Variants in CLOCK observed in about 807,000 individuals in gnomAD.
The protein encoded by CLOCK is circadian locomoter output cycles protein kaput.
In CLOCK, 43 loss-of-function variants were observed where a neutral mutation model predicts 118.4. That is an observed-to-expected ratio of 0.36 (90% confidence interval 0.28 to 0.47). CLOCK has a LOEUF of 0.47. Ranked by LOEUF, CLOCK falls within the 20% of genes least tolerant of loss-of-function variation. The probability of loss-of-function intolerance (pLI) is 1.00; values close to 1 mark genes in which losing one functional copy is unlikely to be tolerated. For missense variants in CLOCK, 846 were observed against 999.9 expected, an observed-to-expected ratio of 0.85 and a Z score of 2.08; for synonymous variants, 326 against 339.2, an observed-to-expected ratio of 0.96 and a Z score of 0.43.
intron 1 of CLOCK, chr4:55,545,740 T>C (rs1028679144): frequency 2.0e-5 from 3 of 152,188 alleles, no homozygotes; most frequent in Admixed American, 1.3e-4. Flanking sequence ...TCTGCGGCGC[T>C]GCGTGTAGGA....
At chr4:55,505,059 T>C (rs1728711861) in intron 2 of CLOCK, among the ~76,000 whole-genome samples, 1 of 151,698 alleles carries the variant, frequency 6.6e-6, no homozygotes, top group Non-Finnish European at 1.5e-5. Context: ...GGCACACACC[T>C]GTAGTCCCAG....
Position 55,443,763 on chromosome 4 carries a change from C to G in CLOCK, c.1826G>C (p.Ser609Thr). The change falls in exon 20 of 23, where the codon AGT becomes ACT. Residue 609 changes from serine to threonine, a missense_variant. Coordinates refer to ENST00000513440, the MANE Select transcript of CLOCK (RefSeq NM_004898.4). ...GQVVPTNQIQ[S>T]GMNTGHIGTT... ...GCCAATGTGTCCAGTATTCATTCCA[C>G]TTTGAATCTGGTTAGTAGGAACAAC... The G allele has an allele frequency of 2.5e-6, 4 of 1,614,088 alleles. No homozygotes were observed. The highest frequency in any genetic ancestry group is 2.5e-6 in the Non-Finnish European group (3 of 1,179,994).
chr4:55,535,210 G>A (rs1378402796), intron 1 of CLOCK, among the ~76,000 whole-genome samples: 1 of 137,200 alleles, frequency 7.3e-6, no homozygotes. Flanking sequence ...TTTGCTTCTT[G>A]ATTATGGTGA....
chr4:55,467,568 T>A (rs1725821009), intron 8 of CLOCK, among the ~76,000 whole-genome samples: 1 of 152,250 alleles, frequency 6.6e-6, no homozygotes, highest in South Asian at 2.1e-4. Flanking sequence ...ATGACTAGAT[T>A]ATATAGTTTC....
intron 11 of CLOCK, among the ~76,000 whole-genome samples, chr4:55,458,193 T>C (rs997977160): frequency 1.3e-5 from 2 of 152,188 alleles, no homozygotes; most frequent in African/African-American, 4.8e-5. Flanking sequence ...CCTGAGTAAC[T>C]GAGACCACAG....
chr4:55,532,067 C>T (rs990298901), intron 1 of CLOCK, among the ~76,000 whole-genome samples: 4 of 152,020 alleles, frequency 2.6e-5, no homozygotes, highest in Non-Finnish European at 4.4e-5. Flanking sequence ...AAATGAAGCA[C>T]AAAAACCACA....
intron 2 of CLOCK, among the ~76,000 whole-genome samples, chr4:55,495,929 C>T (rs1728040530): frequency 6.6e-6 from 1 of 152,140 alleles, no homozygotes; most frequent in South Asian, 2.1e-4. Flanking sequence ...TGGCTCACAC[C>T]TGTAATCCCA....
chr4:55,518,102 T>C (rs961545825), intron 1 of CLOCK, among the ~76,000 whole-genome samples: 11 of 152,144 alleles, frequency 7.2e-5, no homozygotes, highest in African/African-American at 1.7e-4. Context: ...GTTGTGGTCA[T>C]AGAAGTTTGG....
At chr4:55,464,289 C>A (rs1725578141) in intron 8 of CLOCK, among the ~76,000 whole-genome samples, 1 of 152,120 alleles carries the variant, frequency 6.6e-6, no homozygotes. Flanking sequence ...TGTACAAAAG[C>A]CTTGTGTTTA....
intron 3 of CLOCK, among the ~76,000 whole-genome samples, chr4:55,483,820 A>G (rs1727103212): frequency 6.6e-6 from 1 of 152,168 alleles, no homozygotes; most frequent in African/African-American, 2.4e-5. Flanking sequence ...GTCTTACTAT[A>G]AAGAGTCTCA....
In CLOCK at chr4:55,492,370, C is replaced by T. The variant is rs868623383; in HGVS notation, c.-135-2905G>A. Among the ~76,000 whole-genome samples the T allele has an allele frequency of 2.5e-5, 2 of 80,432 alleles. 1 individual carries two copies. Among genetic ancestry groups the T allele is most frequent in the African/African-American group, 7.3e-5 (2 of 27,550 alleles). 52.8% of individuals were successfully genotyped at this position (80,432 alleles called of 152,430 possible). A position where few individuals can be genotyped will look rare whatever the true frequency, so the allele number is the denominator to read the frequency against. On this transcript the variant is annotated intron_variant, in intron 2 of 22. Coordinates refer to ENST00000513440, the MANE Select transcript of CLOCK (RefSeq NM_004898.4). ...ACCTATTCATGATAAAAAAAAAAAA[C>T]GCCATTCAACAAACTAGGAATAGAA...
chr4:55,514,852 A>G (rs1054062941), intron 1 of CLOCK, among the ~76,000 whole-genome samples: 7 of 152,118 alleles, frequency 4.6e-5, no homozygotes, highest in South Asian at 2.1e-4. Flanking sequence ...TTTTCTTGCA[A>G]TATCTTTGTC....
intron 13 of CLOCK, among the ~76,000 whole-genome samples, chr4:55,454,539 C>T (rs1195026992): frequency 6.9e-6 from 1 of 144,218 alleles, no homozygotes; most frequent in Non-Finnish European, 1.5e-5. Flanking sequence ...CACTTGAACC[C>T]GGGAGGTGGA....
At chr4:55,454,201 T>C (rs2109776754) in intron 13 of CLOCK, among the ~76,000 whole-genome samples, 1 of 152,320 alleles carries the variant, frequency 6.6e-6, no homozygotes, top group East Asian at 1.9e-4. Flanking sequence ...AGCATTTAAT[T>C]TTAAACCTTA....
At chr4:55,488,648 C>T (rs1174775368) in intron 3 of CLOCK, among the ~76,000 whole-genome samples, 1 of 152,192 alleles carries the variant, frequency 6.6e-6, no homozygotes, top group Non-Finnish European at 1.5e-5. Flanking sequence ...CTCCTTTTGC[C>T]ATTCCGATCT....
intron 8 of CLOCK, among the ~76,000 whole-genome samples, chr4:55,466,632 GAGAAA>G (rs1725756292): frequency 4.6e-5 from 7 of 152,002 alleles, no homozygotes; most frequent in Admixed American, 4.6e-4. Context: ...CATATTCATA[GAGAAA>G]AGAAAATGAA....
chr4:55,435,812 T>A lies in CLOCK; in HGVS notation c.2362-218A>T, dbSNP rs139603122. On this transcript the variant is annotated intron_variant, in intron 22 of 22. Coordinates refer to ENST00000513440, the MANE Select transcript of CLOCK (RefSeq NM_004898.4). ...GAGAGAGTTTCATTTTTTAAAGGAA[T>A]CTGAGCTACAGATTTTATGGTATAG... is the stretch of plus-strand genomic sequence containing the variant. Among the ~76,000 whole-genome samples, 407 of 152,346 alleles carry A rather than the reference T, an allele frequency of 2.7e-3. 4 individuals carry two copies. The highest frequency in any genetic ancestry group is 9.3e-3 in the African/African-American group (386 of 41,572).
chr4:55,467,231 C>T (rs936315112), intron 8 of CLOCK, among the ~76,000 whole-genome samples: 5 of 152,150 alleles, frequency 3.3e-5, no homozygotes, highest in Non-Finnish European at 7.4e-5. Flanking sequence ...GGCAATTAAA[C>T]TCACTAAAGA....
chr4:55,539,097 T>C (rs1210326426), intron 1 of CLOCK, among the ~76,000 whole-genome samples: 3 of 152,044 alleles, frequency 2.0e-5, no homozygotes, highest in Non-Finnish European at 2.9e-5. Flanking sequence ...TAGCTGGGTA[T>C]GGTAGCACAT....
Sources: gnomAD v4.1 joint callset for allele counts (sites outside exome capture counted in the v4.1 genomes callset) on GRCh38, gnomAD v4.1.1 for gene constraint, MANE v1.5 for transcripts, NCBI Gene and HGNC (gene_info 2026-07-23, HGNC 2026-07-21) for gene names.